NALF1: variants seen among roughly 807,000 people sequenced by gnomAD.
The protein encoded by NALF1 is NALCN channel auxiliary factor 1.
NALF1 carries 3 observed loss-of-function variants against 48.4 expected under a neutral mutation model. The observed-to-expected ratio is 0.06, with a 90% CI of 0.03 to 0.16. The LOEUF is 0.16. NALF1 is among the 10% of genes least tolerant of loss of function. The pLI, the probability that NALF1 is intolerant of heterozygous loss-of-function variation, is 1.00. For synonymous variants in NALF1, 262 were observed against 245.7 expected (o/e 1.07, Z -0.62); for missense variants, 526 against 571.5 (o/e 0.92, Z 0.81).
chr13:107,774,127 C>T lies in NALF1; in HGVS notation c.915+91555G>A, dbSNP rs1877658420. Among the ~76,000 whole-genome samples, 3 of 152,160 alleles carry T rather than the reference C, an allele frequency of 2.0e-5. No homozygotes were observed. The South Asian group carries it at 6.2e-4, about 31-fold the overall frequency. On this transcript the variant is annotated intron_variant, in intron 1 of 2. Transcript: ENST00000375915. ...AGGTGAGAAGAACAGTTACTTCAAT[C>T]ATTTCTCTTGATATTTCCAATGGAT...
intron 1 of NALF1, among the ~76,000 whole-genome samples, chr13:107,821,130 G>A (rs943902522): frequency 6.6e-6 from 1 of 151,162 alleles, no homozygotes; most frequent in African/African-American, 2.4e-5. Flanking sequence ...CAGTGCTTAA[G>A]TATTATTTTT....
chr13:107,352,076 G>A (rs1882887033), intron 1 of NALF1, among the ~76,000 whole-genome samples: 1 of 152,210 alleles, frequency 6.6e-6, no homozygotes, highest in Non-Finnish European at 1.5e-5. Context: ...TTAGGGTGAA[G>A]GCCTTACATT....
At chr13:107,253,139 T>C (rs1227824357) in intron 1 of NALF1, among the ~76,000 whole-genome samples, 1 of 151,290 alleles carries the variant, frequency 6.6e-6, no homozygotes, top group Non-Finnish European at 1.5e-5. Context: ...AATCAATTCA[T>C]ACTTGTGAAG....
chr13:107,795,462 T>C (rs1470361792), intron 1 of NALF1, among the ~76,000 whole-genome samples: 1 of 152,160 alleles, frequency 6.6e-6, no homozygotes, highest in Non-Finnish European at 1.5e-5. Context: ...AGTTTAAAGT[T>C]GTGCTTCCTC....
intron 1 of NALF1, among the ~76,000 whole-genome samples, chr13:107,674,463 C>G (rs1881066536): frequency 6.6e-6 from 1 of 152,158 alleles, no homozygotes; most frequent in African/African-American, 2.4e-5. Context: ...TTTGTTCATG[C>G]TGTCTCCTCT....
In NALF1 at chr13:107,370,417, A is replaced by C. The variant is rs189041199; in HGVS notation, c.916-159662T>G. 3.8e-3 allele frequency among the ~76,000 whole-genome samples: 586 copies of C among 152,318 alleles called. 3 individuals are homozygous for C. Among genetic ancestry groups the C allele is most frequent in the Admixed American group, 9.7e-3 (148 of 15,302 alleles). On this transcript the variant is annotated intron_variant, in intron 1 of 2. Coordinates refer to ENST00000375915, the MANE Select transcript of NALF1 (RefSeq NM_001080396.3). ...TCACCCTGTGTTCTAAAACTGAGGAATCTCAAAACTTACAAAGCCTAAATC... is the reference window on the plus strand; with the variant it reads ...TCACCCTGTGTTCTAAAACTGAGGACTCTCAAAACTTACAAAGCCTAAATC...
At chr13:107,385,335 T>C (rs1441698024) in intron 1 of NALF1, among the ~76,000 whole-genome samples, 1 of 152,002 alleles carries the variant, frequency 6.6e-6, no homozygotes, top group East Asian at 1.9e-4. Flanking sequence ...GGTGGATCAC[T>C]TGAGGTCAGG....
At chr13:107,823,877 G>A (rs540819283) in intron 1 of NALF1, among the ~76,000 whole-genome samples, 1 of 152,210 alleles carries the variant, frequency 6.6e-6, no homozygotes, top group Admixed American at 6.5e-5. Context: ...TAATAGTAAT[G>A]CTTACTGCAT....
chr13:107,543,915 G>A (rs1465361117), intron 1 of NALF1, among the ~76,000 whole-genome samples: 1 of 151,924 alleles, frequency 6.6e-6, no homozygotes, highest in Admixed American at 6.6e-5. Flanking sequence ...GAAATATAGT[G>A]GCAATTTAGT....
At chr13:107,441,160 A>T (rs1382437566) in intron 1 of NALF1, among the ~76,000 whole-genome samples, 3 of 152,180 alleles carry the variant, frequency 2.0e-5, no homozygotes, top group Non-Finnish European at 4.4e-5. Context: ...CTTGCCCCCA[A>T]CACCATCTCT....
intron 1 of NALF1, among the ~76,000 whole-genome samples, chr13:107,328,760 C>T (rs188541133): frequency 6.6e-6 from 1 of 152,290 alleles, no homozygotes; most frequent in African/African-American, 2.4e-5. Context: ...TCTAGGTTCA[C>T]AGCAGGAAAT....
intron 1 of NALF1, among the ~76,000 whole-genome samples, chr13:107,829,229 C>T (rs1475261932): frequency 1.3e-5 from 2 of 152,128 alleles, no homozygotes; most frequent in Non-Finnish European, 2.9e-5. Flanking sequence ...AAGTATACCC[C>T]TACATCCAGC....
intron 1 of NALF1, among the ~76,000 whole-genome samples, chr13:107,523,661 T>A (rs1876327310): frequency 6.6e-6 from 1 of 151,770 alleles, no homozygotes; most frequent in African/African-American, 2.4e-5. Flanking sequence ...GGGTGGCTGC[T>A]CTTAGTTTTC....
At chr13:107,736,873 T>C (rs1365272967) in intron 1 of NALF1, among the ~76,000 whole-genome samples, 2 of 152,196 alleles carry the variant, frequency 1.3e-5, no homozygotes, top group East Asian at 3.9e-4. Context: ...TAAAACAAAA[T>C]GAATGCAGCT....
chr13:107,521,332 A>G (rs1343246032), intron 1 of NALF1, among the ~76,000 whole-genome samples: 1 of 152,204 alleles, frequency 6.6e-6, no homozygotes, highest in Non-Finnish European at 1.5e-5. Context: ...AACTTTATAC[A>G]TATTCAAAGA....
In NALF1 at chr13:107,575,915, G is replaced by A. The variant is rs955172424; in HGVS notation, c.915+289767C>T. On this transcript the variant is annotated intron_variant, in intron 1 of 2. Coordinates refer to ENST00000375915, the MANE Select transcript of NALF1 (RefSeq NM_001080396.3). ...TGGGAAGAGGTGTGTGTGTCTAGGC[G>A]TGTATGTTTATATGTGTGCATGTGT... Among the ~76,000 whole-genome samples the A allele has an allele frequency of 3.9e-5, 6 of 151,968 alleles. No individual in the cohort carries two copies. In the East Asian group the frequency reaches 7.7e-4, roughly 20 times the overall value.
chr13:107,693,588 T>C (rs1395160147), intron 1 of NALF1, among the ~76,000 whole-genome samples: 1 of 151,816 alleles, frequency 6.6e-6, no homozygotes, highest in African/African-American at 2.4e-5. Context: ...AAGGTTACTT[T>C]AGAAAGGCAT....
intron 2 of NALF1, among the ~76,000 whole-genome samples, chr13:107,194,630 A>G (rs754153184): frequency 5.9e-5 from 9 of 152,200 alleles, no homozygotes. Flanking sequence ...CTAAAAGATA[A>G]CATCAGAAAA....
At chr13:107,784,755 T>C (rs954832198) in intron 1 of NALF1, among the ~76,000 whole-genome samples, 4 of 152,070 alleles carry the variant, frequency 2.6e-5, no homozygotes, top group Non-Finnish European at 5.9e-5. Flanking sequence ...AAAAAGTAGA[T>C]GTTGGCGTGG....
Sources: gnomAD v4.1 joint callset for allele counts (sites outside exome capture counted in the v4.1 genomes callset) on GRCh38, gnomAD v4.1.1 for gene constraint, MANE v1.5 for transcripts, NCBI Gene and HGNC (gene_info 2026-07-23, HGNC 2026-07-21) for gene names.